The following ICE2 variants were observed in gnomAD, a reference collection of about 807,000 sequenced individuals.
The protein encoded by ICE2 is little elongation complex subunit 2.
In ICE2, 87 loss-of-function variants were observed where a neutral mutation model predicts 105.4. That is an observed-to-expected ratio of 0.83 (90% CI 0.69 to 0.99). The LOEUF is 0.99. Ranked by LOEUF, ICE2 falls within the 50% of genes least tolerant of loss-of-function variation. ICE2 has a pLI of 0.00. For missense variants in ICE2, 1,323 were observed against 1,146.7 expected, an observed-to-expected ratio of 1.15 and a Z score of -2.22; for synonymous variants, 399 against 392.0, an observed-to-expected ratio of 1.02 and a Z score of -0.21.
Position 60,466,656 on chromosome 15 carries a change from A to C in ICE2, c.466T>G (p.Ser156Ala). The C allele has an allele frequency of 6.2e-7, 1 of 1,611,454 alleles. No individual in the cohort carries two copies. Among genetic ancestry groups the C allele is most frequent in the South Asian group, 1.1e-5 (1 of 90,878 alleles). The change falls in exon 5 of 16, where the codon TCT becomes GCT. Residue 156 changes from serine to alanine, a missense_variant. Coordinates refer to ENST00000261520, the MANE Select transcript of ICE2 (RefSeq NM_024611.6). ...VTEFLKFLQNSAKKCAQDYNM... is the reference protein window; with the variant it reads ...VTEFLKFLQNAAKKCAQDYNM... ...TAATCCTGCGCACATTTCTTTGCAG[A>C]ATTCTGCAAAAACTTTAGGAACTCA...
At chr15:60,475,061 A>C (rs1214475963) in intron 3 of ICE2, among the ~76,000 whole-genome samples, 1 of 152,244 alleles carries the variant, frequency 6.6e-6, no homozygotes, top group Non-Finnish European at 1.5e-5. Context: ...TAACTGAGAA[A>C]GCAGGAAAAG....
intron 3 of ICE2, 24 bp downstream of exon 3, chr15:60,476,035 GAAAT>G (rs747445354): frequency 1.4e-6 from 2 of 1,405,732 alleles, no homozygotes; most frequent in South Asian, 1.3e-5. Context: ...ATCAAATATG[GAAAT>G]AAATAACCAA....
rs762385446 is a variant in ICE2, at chr15:60,449,055, C to A, written c.1912G>T (p.Val638Leu). The change falls in exon 10 of 16, where the codon GTA (valine) becomes TTA (leucine). Residue 638 changes from valine to leucine, a missense_variant. Physicochemically the swap from Val to Leu is conservative, Grantham distance 32. Transcript: ENST00000261520. Reference sequence around the variant, plus strand: ...CCAACTGGATCAAATTTTTTATATACTCGTTTGATAGGTTTTTTTAAAACA... The same window carrying A: ...CCAACTGGATCAAATTTTTTATATAATCGTTTGATAGGTTTTTTTAAAACA... ...SCVLKKPIKRVYKKFDPVGEI... is the reference protein window; with the variant it reads ...SCVLKKPIKRLYKKFDPVGEI... 1.2e-6 allele frequency: 2 copies of A among 1,613,194 alleles called. No individual in the cohort carries two copies. Among genetic ancestry groups the A allele is most frequent in the East Asian group, 4.5e-5 (2 of 44,854 alleles).
chr15:60,466,471 C>A, intron 5 of ICE2, 123 bp downstream of exon 5: 1 of 1,058,878 alleles, frequency 9.4e-7, no homozygotes, highest in East Asian at 2.5e-5. Context: ...AAGAAAAGAC[C>A]TGTGGTTTTT....
intron 8 of ICE2, among the ~76,000 whole-genome samples, chr15:60,454,191 T>C (rs992535462): frequency 3.9e-5 from 6 of 152,218 alleles, no homozygotes; most frequent in Admixed American, 3.3e-4. Flanking sequence ...CTGTGACATA[T>C]ATTAACTCTG....
At position 60,470,537 on chromosome 15, in the gene ICE2, T is replaced by C. The variant is rs74020708; in HGVS notation, c.147-2215A>G. 1.9e-3 allele frequency among the ~76,000 whole-genome samples: 287 copies of C among 152,320 alleles called. 2 individuals carry two copies. Among genetic ancestry groups the C allele is most frequent in the African/African-American group, 6.6e-3 (276 of 41,572 alleles). On this transcript the variant is annotated intron_variant, in intron 3 of 15. Coordinates refer to ENST00000261520, the MANE Select transcript of ICE2 (RefSeq NM_024611.6). ...TATCCTGCATATTTTAACAGTCCCC[T>C]TCAGGCTTTCTCTTACCAGGTACAA... is the stretch of plus-strand genomic sequence containing the variant.
At chr15:60,447,016 A>C (rs2063836949) in intron 11 of ICE2, among the ~76,000 whole-genome samples, 1 of 151,128 alleles carries the variant, frequency 6.6e-6, no homozygotes, top group African/African-American at 2.4e-5. Context: ...CATACACACA[A>C]AAAAATGCAA....
chr15:60,448,814 A>G, intron 10 of ICE2, 34 bp downstream of exon 10: 1 of 1,529,522 alleles, frequency 6.5e-7, no homozygotes, highest in Non-Finnish European at 8.8e-7. Context: ...AGAACAAGTA[A>G]AACACTGTAA....
rs1434272667 is a variant in ICE2, at chr15:60,449,522, T to G, written c.1445A>C (p.Lys482Thr). The G allele has an allele frequency of 3.7e-6, 6 of 1,614,078 alleles. No individual in the cohort carries two copies. The highest frequency in any genetic ancestry group is 5.1e-6 in the Non-Finnish European group (6 of 1,180,024). ...TGMDGGPEEC[K>T]NKDDQGFESC... is the part of the protein sequence containing the mutation. ...TTCAAATCCCTGATCATCTTTATTT[T>G]TGCATTCCTCAGGGCCACCATCCAT... is the stretch of plus-strand genomic sequence containing the variant. The change falls in exon 10 of 16, where the codon AAA becomes ACA. Residue 482 changes from lysine to threonine, a missense_variant. Lys to Thr is a moderately conservative substitution (Grantham distance 78). Transcript: ENST00000261520.
At chr15:60,434,968 C>T (rs2063550208) in intron 13 of ICE2, among the ~76,000 whole-genome samples, 1 of 152,182 alleles carries the variant, frequency 6.6e-6, no homozygotes, top group African/African-American at 2.4e-5. Flanking sequence ...GGTCATTACA[C>T]ACTGTATATG....
chr15:60,463,344 A>G (rs979134420), intron 5 of ICE2, among the ~76,000 whole-genome samples: 24 of 152,238 alleles, frequency 1.6e-4, no homozygotes, highest in African/African-American at 5.8e-4. Context: ...ATAAATTGTA[A>G]TTTATTAATA....
chr15:60,428,027 TATC>T (rs2063374973), intron 15 of ICE2, among the ~76,000 whole-genome samples: 1 of 152,206 alleles, frequency 6.6e-6, no homozygotes, highest in Non-Finnish European at 1.5e-5. Flanking sequence ...TGTTTAATTA[TATC>T]ATAATTTTAT....
At chr15:60,466,862 T>C (rs923999410) in intron 4 of ICE2, 149 bp from the exon 5 acceptor site, 7 of 666,098 alleles carry the variant, frequency 1.1e-5, no homozygotes, top group African/African-American at 1.8e-5. Flanking sequence ...TAAAAATTAT[T>C]ATGCAGTAAT....
intron 15 of ICE2, 136 bp from the exon 16 acceptor site, chr15:60,423,898 G>GGA: frequency 2.7e-6 from 2 of 745,108 alleles, no homozygotes; most frequent in Non-Finnish European, 3.8e-6. Context: ...CCAGCTAGCT[G>GGA]GCTGTTTCTA....
chr15:60,423,609 A>C lies in ICE2; in HGVS notation c.*25T>G. The C allele has an allele frequency of 6.3e-7, 1 of 1,581,148 alleles. No homozygotes were observed. The highest frequency in any genetic ancestry group is 8.6e-7 in the Non-Finnish European group (1 of 1,167,654). On this transcript the variant is annotated 3_prime_UTR_variant, in exon 16 of 16. Coordinates refer to ENST00000261520, the MANE Select transcript of ICE2 (RefSeq NM_024611.6). ...AAACACTGTTATAACTGTTTTTTTA[A>C]ATTTAGTTTTCCATGGTACAGTCCT...
chr15:60,478,882 G>A (rs1173442836), intron 1 of ICE2, 121 bp downstream of exon 1: 1 of 443,750 alleles, frequency 2.3e-6, no homozygotes, highest in Non-Finnish European at 4.6e-6. Context: ...CGCAGAGCCA[G>A]GAGCAAAGGG....
chr15:60,467,897 A>G (rs1263966505), intron 4 of ICE2, among the ~76,000 whole-genome samples, 164 bp downstream of exon 4: 2 of 152,212 alleles, frequency 1.3e-5, no homozygotes, highest in Admixed American at 6.5e-5. Context: ...CTTGAACTAC[A>G]ATGGAACCAA....
intron 10 of ICE2, 55 bp downstream of exon 10, chr15:60,448,793 C>A: frequency 1.4e-6 from 2 of 1,455,634 alleles, no homozygotes; most frequent in South Asian, 1.4e-5. Context: ...GGGAGAAAAA[C>A]CTAAGGAAAA....
chr15:60,477,845 A>C (rs2064808916), intron 2 of ICE2, 92 bp downstream of exon 2: 1 of 1,146,200 alleles, frequency 8.7e-7, no homozygotes, highest in Admixed American at 1.7e-5. Context: ...TGTTTCCTCC[A>C]AATCTCTCTA....
Sources: allele counts gnomAD v4.1 joint callset (sites outside exome capture counted in the v4.1 genomes callset), GRCh38; gene constraint gnomAD v4.1.1; transcripts MANE v1.5; gene names NCBI Gene and HGNC (gene_info 2026-07-23, HGNC 2026-07-21).